NME8: variants seen among roughly 807,000 people sequenced by gnomAD.
NME8 encodes protein NME8.
Under a neutral mutation model 82.3 loss-of-function variants are expected in NME8, and 72 were observed. That is an observed-to-expected ratio of 0.87 (90% CI 0.72 to 1.06). The LOEUF is 1.06. Ranked by LOEUF, NME8 falls within the 50% of genes least tolerant of loss-of-function variation. NME8 has a pLI of 0.00. For synonymous variants in NME8, 267 were observed against 228.5 expected, an observed-to-expected ratio of 1.17 and a Z score of -1.52; for missense variants, 712 against 685.4, an observed-to-expected ratio of 1.04 and a Z score of -0.43.
intron 15 of NME8, among the ~76,000 whole-genome samples, chr7:37,890,257 A>T (rs1032118723): frequency 1.3e-5 from 2 of 151,962 alleles, no homozygotes; most frequent in Non-Finnish European, 2.9e-5. Flanking sequence ...AATATATGTT[A>T]AACAGCCAAA....
Position 37,885,271 on chromosome 7 carries a change from G to C in NME8, c.1247+19G>C. On this transcript the variant is annotated intron_variant, in intron 14 of 17. Coordinates refer to ENST00000199447, the MANE Select transcript of NME8 (RefSeq NM_016616.5). ...CAGAGAGGTAGGATTCATACCATGG[G>C]TCACTATCTGTTTTCGTGGGCTCCA... 6.7e-7 allele frequency: 1 copy of C among 1,486,694 alleles called. No individual in the cohort carries two copies. The allele number at this position is 1,486,694 out of a possible 1,614,324, so 92.1% of individuals were successfully genotyped here.
At chr7:37,891,754 T>C (rs2254457) in intron 15 of NME8, among the ~76,000 whole-genome samples, 120,494 of 151,770 alleles carry the variant, frequency 0.79, 47,993 homozygotes, top group East Asian at 0.93. Flanking sequence ...AAAACCATGG[T>C]TTTGGGCTGC....
chr7:37,892,242 T>C (rs1381967094), intron 15 of NME8, among the ~76,000 whole-genome samples: 1 of 151,908 alleles, frequency 6.6e-6, no homozygotes, highest in East Asian at 1.9e-4. Context: ...TCTAGATACA[T>C]GTTATTCTTT....
chr7:37,875,649 G>A (rs1238207035), intron 11 of NME8, among the ~76,000 whole-genome samples: 1 of 151,226 alleles, frequency 6.6e-6, no homozygotes, highest in African/African-American at 2.4e-5. Context: ...TGAAAATAAA[G>A]GGATGGCCAA....
chr7:37,887,878 C>T (rs1426697970), intron 14 of NME8, among the ~76,000 whole-genome samples: 1 of 152,094 alleles, frequency 6.6e-6, no homozygotes, highest in African/African-American at 2.4e-5. Flanking sequence ...AGAACTCACT[C>T]ACTAGCACAA....
At chr7:37,886,158 A>G (rs1186553740) in intron 14 of NME8, among the ~76,000 whole-genome samples, 1 of 152,196 alleles carries the variant, frequency 6.6e-6, no homozygotes, top group African/African-American at 2.4e-5. Flanking sequence ...TTATGTGCCA[A>G]TGACTGTGAA....
At chr7:37,852,582 A>G (rs1282155701) in intron 5 of NME8, among the ~76,000 whole-genome samples, 1 of 152,172 alleles carries the variant, frequency 6.6e-6, no homozygotes, top group Admixed American at 6.5e-5. Context: ...AATGTCATAT[A>G]GTTAGAATCA....
intron 11 of NME8, among the ~76,000 whole-genome samples, chr7:37,868,197 C>T (rs191878434): frequency 1.2e-4 from 18 of 152,232 alleles, no homozygotes; most frequent in Non-Finnish European, 2.1e-4. Flanking sequence ...AAGAGTGCAG[C>T]GGGGCTCCTC....
intron 11 of NME8, among the ~76,000 whole-genome samples, chr7:37,874,537 T>C (rs964202403): frequency 3.3e-5 from 5 of 152,066 alleles, no homozygotes; most frequent in African/African-American, 1.2e-4. Flanking sequence ...TGGATAAGTA[T>C]AGTAAAACTT....
chr7:37,854,235 A>G (rs1405810304), intron 5 of NME8, among the ~76,000 whole-genome samples: 1 of 152,188 alleles, frequency 6.6e-6, no homozygotes, highest in Admixed American at 6.5e-5. Context: ...AGAAAATAGT[A>G]TTAAGAAAAT....
chr7:37,886,009 CAATA>C (rs1410623261), intron 14 of NME8, among the ~76,000 whole-genome samples: 2 of 152,150 alleles, frequency 1.3e-5, no homozygotes, highest in East Asian at 3.8e-4. Flanking sequence ...CATGTTGACA[CAATA>C]AATAACAATA....
At chr7:37,888,633 A>T (rs1192424548) in intron 15 of NME8, among the ~76,000 whole-genome samples, 1 of 151,950 alleles carries the variant, frequency 6.6e-6, no homozygotes, top group Non-Finnish European at 1.5e-5. Flanking sequence ...TCCCTCCCTC[A>T]TCCTTCTCTG....
At chr7:37,871,087 A>AG (rs1023430597) in intron 11 of NME8, among the ~76,000 whole-genome samples, 1 of 152,056 alleles carries the variant, frequency 6.6e-6, no homozygotes, top group African/African-American at 2.4e-5. Flanking sequence ...GGGGATGGAG[A>AG]GGGTGAGACA....
At position 37,896,554 on chromosome 7, in the gene NME8, G is replaced by T. The variant is rs1030702979; in HGVS notation, c.1545-316G>T. Among the ~76,000 whole-genome samples the T allele has an allele frequency of 2.0e-5, 3 of 152,330 alleles. No individual in the cohort carries two copies. The South Asian group carries it at 6.2e-4, about 32-fold the overall frequency. ...TTAACTTGAGGCAATCCCTGAAGCG[G>T]TTAGAGGCTGCTGGACAACCATAAA... On this transcript the variant is annotated intron_variant, in intron 16 of 17. Coordinates refer to ENST00000199447, the MANE Select transcript of NME8 (RefSeq NM_016616.5).
chr7:37,892,845 G>A (rs76677718), intron 15 of NME8, among the ~76,000 whole-genome samples: 2,350 of 151,884 alleles, frequency 0.015, 57 homozygotes, highest in East Asian at 0.12. Flanking sequence ...TTAGGGTGTC[G>A]TGTTACAGTT....
At chr7:37,891,195 A>G (rs1785124068) in intron 15 of NME8, among the ~76,000 whole-genome samples, 1 of 151,904 alleles carries the variant, frequency 6.6e-6, no homozygotes. Flanking sequence ...TGTCAGATGC[A>G]TAGCTTGAAA....
intron 2 of NME8, 26 bp from the exon 3 acceptor site, chr7:37,850,234 A>C (rs747201006): frequency 6.3e-7 from 1 of 1,580,588 alleles, no homozygotes; most frequent in East Asian, 2.2e-5. Context: ...CTACTTAAAA[A>C]TTTTTCTTTC....
chr7:37,855,358 G>T (rs1784495303), intron 5 of NME8, among the ~76,000 whole-genome samples: 1 of 152,160 alleles, frequency 6.6e-6, no homozygotes. Context: ...TCCTTTCAAG[G>T]ATTGGGGGTT....
intron 10 of NME8, among the ~76,000 whole-genome samples, 157 bp from the exon 11 acceptor site, chr7:37,867,545 A>G (rs1784705360): frequency 6.6e-6 from 1 of 152,222 alleles, no homozygotes; most frequent in Non-Finnish European, 1.5e-5. Flanking sequence ...CCCCCAAACA[A>G]TAAAAATGTA....
Sources: allele counts gnomAD v4.1 joint callset (sites outside exome capture counted in the v4.1 genomes callset), GRCh38; gene constraint gnomAD v4.1.1; transcripts MANE v1.5; gene names NCBI Gene and HGNC (gene_info 2026-07-23, HGNC 2026-07-21).